The following C12orf42 variants were observed in gnomAD, a reference collection of about 807,000 sequenced individuals.
C12orf42 encodes the protein uncharacterized protein C12orf42.
Under a neutral mutation model 21.6 loss-of-function variants are expected in C12orf42, and 25 were observed. The observed-to-expected ratio is 1.16, with a 90% confidence interval of 0.84 to 1.62. The LOEUF is 1.62. Among genes scored for constraint, C12orf42 ranks in the 40% most tolerant of loss-of-function variants. C12orf42 has a pLI of 0.00. For missense variants in C12orf42, 483 were observed against 459.3 expected (o/e 1.05, Z -0.47); for synonymous variants, 174 against 175.0 (o/e 0.99, Z 0.05).
At chr12:103,499,568 G>A (rs532240666), upstream of C12orf42, among the ~76,000 whole-genome samples, 1 of 152,180 alleles carries the variant, frequency 6.6e-6, no homozygotes, top group African/African-American at 2.4e-5. Flanking sequence ...GTTGAGAAGG[G>A]ATTTCACTAC....
At chr12:103,388,460 A>G (rs374363927) in intron 3 of C12orf42, among the ~76,000 whole-genome samples, 1 of 151,624 alleles carries the variant, frequency 6.6e-6, no homozygotes, top group East Asian at 1.9e-4. Context: ...TGTCAAGTAC[A>G]CTCTCTTTCT....
At chr12:103,234,976 T>TA (rs956785995), downstream of C12orf42, among the ~76,000 whole-genome samples, 14 of 152,232 alleles carry the variant, frequency 9.2e-5, no homozygotes, top group East Asian at 1.2e-3. Context: ...ATATAAATGT[T>TA]AAAAAAATAT....
chr12:103,195,175 T>C, the C12orf42 span, among the ~76,000 whole-genome samples: 3 of 152,236 alleles, frequency 2.0e-5, no homozygotes, highest in Non-Finnish European at 4.4e-5. Flanking sequence ...ATGTACCACA[T>C]TTTCTTTATC....
intron 2 of C12orf42, among the ~76,000 whole-genome samples, chr12:103,432,581 C>T (rs973573779): frequency 1.3e-5 from 2 of 152,214 alleles, no homozygotes; most frequent in Non-Finnish European, 2.9e-5. Context: ...GTATGTAATG[C>T]TCTTACTGTA....
the C12orf42 span, among the ~76,000 whole-genome samples, chr12:103,221,375 A>G: frequency 6.6e-6 from 1 of 152,252 alleles, no homozygotes; most frequent in Non-Finnish European, 1.5e-5. Context: ...TGCTCATAGC[A>G]TTCATTTATT....
At chr12:103,076,974 G>T in the C12orf42 span, among the ~76,000 whole-genome samples, 1 of 152,120 alleles carries the variant, frequency 6.6e-6, no homozygotes, top group Non-Finnish European at 1.5e-5. Context: ...CTATATTGAT[G>T]TTCATATCAG....
intron 3 of C12orf42, among the ~76,000 whole-genome samples, chr12:103,372,508 G>A (rs758872737): frequency 8.5e-5 from 13 of 152,084 alleles, no homozygotes; most frequent in African/African-American, 2.7e-4. Context: ...CATCACCAAC[G>A]TTACCTGGGA....
At chr12:103,478,131 A>G in intron 2 of C12orf42, 1 of 444,694 alleles carries the variant, frequency 2.2e-6, no homozygotes, top group South Asian at 3.0e-5. Flanking sequence ...GCATAAATGT[A>G]ATGTGTCCCT....
downstream of C12orf42, among the ~76,000 whole-genome samples, chr12:103,265,176 C>G (rs567651930): frequency 8.5e-5 from 13 of 152,222 alleles, no homozygotes; most frequent in African/African-American, 3.1e-4. Context: ...CCCTCATGAA[C>G]TAATCACACC....
At chr12:103,427,508 G>A (rs538884115) in intron 2 of C12orf42, among the ~76,000 whole-genome samples, 1 of 152,162 alleles carries the variant, frequency 6.6e-6, no homozygotes, top group South Asian at 2.1e-4. Flanking sequence ...AAGGAGATTT[G>A]ACTCCCATAC....
At chr12:103,116,403 T>C in the C12orf42 span, among the ~76,000 whole-genome samples, 3 of 147,770 alleles carry the variant, frequency 2.0e-5, no homozygotes, top group Admixed American at 6.8e-5. Context: ...TATATATGTA[T>C]ACATATACAT....
At chr12:103,388,127 C>A (rs577832820) in intron 3 of C12orf42, among the ~76,000 whole-genome samples, 1 of 152,216 alleles carries the variant, frequency 6.6e-6, no homozygotes, top group Non-Finnish European at 1.5e-5. Context: ...GCCCCTCCAG[C>A]GTGGAGCTTT....
intron 2 of C12orf42, among the ~76,000 whole-genome samples, chr12:103,435,263 TCAAAGAC>T (rs1240325935): frequency 6.6e-6 from 1 of 151,908 alleles, no homozygotes; most frequent in Non-Finnish European, 1.5e-5. Flanking sequence ...ATCACCATCA[TCAAAGAC>T]CAAAAGTAGA....
At chr12:103,333,461 T>A (rs1203482032) in intron 4 of C12orf42, among the ~76,000 whole-genome samples, 1 of 152,238 alleles carries the variant, frequency 6.6e-6, no homozygotes, top group African/African-American at 2.4e-5. Flanking sequence ...CAAAGCTCAC[T>A]CTTTAGAAAA....
At chr12:103,442,464 C>T (rs1326976011) in intron 2 of C12orf42, among the ~76,000 whole-genome samples, 3 of 152,144 alleles carry the variant, frequency 2.0e-5, no homozygotes, top group Non-Finnish European at 4.4e-5. Context: ...GGAGGCTTCC[C>T]TTGCAAAGCC....
chr12:103,086,019 A>T, the C12orf42 span, among the ~76,000 whole-genome samples: 1 of 152,152 alleles, frequency 6.6e-6, no homozygotes, highest in Non-Finnish European at 1.5e-5. Flanking sequence ...GAGCTCCAAT[A>T]CCTCAGAGCA....
At chr12:103,072,612 C>T in the C12orf42 span, among the ~76,000 whole-genome samples, 74 of 152,180 alleles carry the variant, frequency 4.9e-4, no homozygotes, top group African/African-American at 1.4e-3. Context: ...CCCCCACCCC[C>T]GGTACATACC....
the C12orf42 span, among the ~76,000 whole-genome samples, chr12:103,535,679 T>C: frequency 5.3e-5 from 8 of 152,186 alleles, no homozygotes; most frequent in Non-Finnish European, 1.2e-4. Flanking sequence ...GAGGATGAGA[T>C]GCTATATGAA....
At chr12:103,476,758 T>C (rs971992686) in intron 2 of C12orf42, 1 of 152,226 alleles carries the variant, frequency 6.6e-6, no homozygotes, top group African/African-American at 2.4e-5. Context: ...CTAGCAAAGA[T>C]GATGCTAATT....
Sources: gnomAD v4.1 joint callset for allele counts (sites outside exome capture counted in the v4.1 genomes callset) on GRCh38, gnomAD v4.1.1 for gene constraint, MANE v1.5 for transcripts, NCBI Gene and HGNC (gene_info 2026-07-23, HGNC 2026-07-21) for gene names.